SLC25A53: variants seen among roughly 807,000 people sequenced by gnomAD.
SLC25A53 encodes mitochondrial carrier triple repeat protein 6.
In SLC25A53, 5 loss-of-function variants were observed where a neutral mutation model predicts 15.0. The ratio of observed to expected loss-of-function variants is 0.33; its 90% CI spans 0.17 to 0.70. The LOEUF is 0.70. SLC25A53 is among the 30% of genes least tolerant of loss of function. The pLI, the probability that SLC25A53 is intolerant of heterozygous loss-of-function variation, is 0.67. For synonymous variants in SLC25A53, 95 were observed against 100.0 expected (o/e 0.95, Z 0.30); for missense variants, 216 against 241.6 (o/e 0.89, Z 0.70).
At chrX:104,119,029 ATGCTTTTGG>A (rs1397366081) in intron 1 of SLC25A53, among the ~76,000 whole-genome samples, 1 of 111,764 alleles carries the variant, frequency 8.9e-6, no homozygotes, top group Non-Finnish European at 1.9e-5. Flanking sequence ...TTTCCAGTCT[ATGCTTTTGG>A]TGCAAATGGT....
At chrX:104,113,189 T>C (rs1404060597) in intron 1 of SLC25A53, 1 of 111,337 alleles carries the variant, frequency 9.0e-6, no homozygotes, top group African/African-American at 3.3e-5. Flanking sequence ...TCTTTCTCCC[T>C]GGCAGGTCAT....
chrX:104,131,167 C>G (rs1556365416), intron 1 of SLC25A53: 1 of 111,971 alleles, frequency 8.9e-6, no homozygotes. Context: ...TCCATGTTGT[C>G]TCTTGACCTC....
chrX:104,136,390 T>C (rs782249669), intron 1 of SLC25A53, among the ~76,000 whole-genome samples: 7 of 111,149 alleles, frequency 6.3e-5, no homozygotes, highest in Non-Finnish European at 1.1e-4. Context: ...GTCCTCTGTC[T>C]GGTAATGACA....
intron 1 of SLC25A53, chrX:104,113,880 C>T: frequency 2.2e-6 from 1 of 445,107 alleles, no homozygotes. Flanking sequence ...TGTTAAGGCA[C>T]TGGGCAGATA....
At chrX:104,113,077 G>A (rs1417381300) in intron 1 of SLC25A53, 2 of 109,756 alleles carry the variant, frequency 1.8e-5, no homozygotes, top group African/African-American at 6.6e-5. Context: ...AGGTGGCAAG[G>A]GGCGGGAGGA....
intron 1 of SLC25A53, among the ~76,000 whole-genome samples, 164 bp from the exon 2 acceptor site, chrX:104,105,452 A>G (rs1383250908): frequency 2.7e-5 from 3 of 112,744 alleles, no homozygotes; most frequent in African/African-American, 9.7e-5. Flanking sequence ...GAAATTAAGA[A>G]TTAATTAACT....
intron 1 of SLC25A53, among the ~76,000 whole-genome samples, chrX:104,148,943 A>C (rs930075813): frequency 2.7e-5 from 3 of 112,830 alleles, no homozygotes; most frequent in Non-Finnish European, 5.6e-5. Flanking sequence ...GTTTTAATCA[A>C]GATGTTCAGT....
intron 1 of SLC25A53, among the ~76,000 whole-genome samples, chrX:104,151,585 A>G (rs2075484837): frequency 9.0e-6 from 1 of 111,437 alleles, no homozygotes; most frequent in Non-Finnish European, 1.9e-5. Flanking sequence ...TCAGAGACAC[A>G]TATTGATTTA....
At position 104,114,556 on chromosome X, in the gene SLC25A53, G is replaced by A; in HGVS notation, c.-31-9268C>T. On this transcript the variant is annotated intron_variant, in intron 1 of 1. Transcript: ENST00000594199. ...ACAAGGGGAGAAAGCCTCCCTTTATGTGATCCGTTTAGAGGTGCAGCTCCA... is the reference window on the plus strand; with the variant it reads ...ACAAGGGGAGAAAGCCTCCCTTTATATGATCCGTTTAGAGGTGCAGCTCCA... 3 of 1,211,842 alleles carry A rather than the reference G, an allele frequency of 2.5e-6. No homozygotes were observed. The East Asian group carries it at 8.9e-5, about 36-fold the overall frequency.
At chrX:104,114,380 T>G (rs1556360426) in intron 1 of SLC25A53, 1 of 1,211,650 alleles carries the variant, frequency 8.3e-7, no homozygotes, top group South Asian at 1.8e-5. Flanking sequence ...ATGAAAACAC[T>G]TAGGGGCCCT....
In SLC25A53 at chrX:104,104,800, C is replaced by T. The variant is rs782045916; in HGVS notation, c.458G>A (p.Ser153Asn). The T allele has an allele frequency of 1.9e-5, 23 of 1,209,936 alleles. No individual in the cohort carries two copies. In the East Asian group the frequency reaches 6.8e-4, roughly 36 times the overall value. ...QDGRKQARFP[S>N]TFSILKEFNS... ...GAATTCCTTGAGAATGCTGAAGGTG[C>T]TGGGGAAGCGAGCTTGCTTGCGACC... The change falls in exon 2 of 2, where the codon AGC (serine) becomes AAC (asparagine). Residue 153 changes from serine (S) to asparagine (N), a missense_variant. Physicochemically the swap from Ser to Asn is conservative, Grantham distance 46. Coordinates refer to ENST00000594199, the MANE Select transcript of SLC25A53 (RefSeq NM_001012755.5).
At chrX:104,142,168 C>A (rs2075452485) in intron 1 of SLC25A53, among the ~76,000 whole-genome samples, 2 of 111,034 alleles carry the variant, frequency 1.8e-5, no homozygotes, top group Middle Eastern at 4.6e-3. Context: ...TTGTTTGAGC[C>A]TGGGAGTTGA....
At chrX:104,145,874 A>G (rs146160738) in intron 1 of SLC25A53, among the ~76,000 whole-genome samples, 1,888 of 112,140 alleles carry the variant, frequency 0.017, 19 homozygotes, top group Non-Finnish European at 0.025. Flanking sequence ...AAATTCTACC[A>G]GAGGTACAAA....
At chrX:104,155,073 A>G (rs2075496326) in intron 1 of SLC25A53, among the ~76,000 whole-genome samples, 1 of 111,857 alleles carries the variant, frequency 8.9e-6, no homozygotes, top group African/African-American at 3.3e-5. Flanking sequence ...GCAGTGTCAA[A>G]TAAGTCCATT....
intron 1 of SLC25A53, among the ~76,000 whole-genome samples, chrX:104,111,347 T>C (rs1264811714): frequency 8.9e-6 from 1 of 111,881 alleles, no homozygotes; most frequent in Non-Finnish European, 1.9e-5. Context: ...AGTTCTGGAT[T>C]CAGAGACTCA....
rs1326474761 is a variant in SLC25A53, at chrX:104,099,481, T to C, written c.*4853A>G. On this transcript the variant is annotated 3_prime_UTR_variant, in exon 2 of 2. Transcript: ENST00000594199. Reference sequence around the variant, plus strand: ...CCTCAAAGTTATCATGAATAAATCATGGTATATTTATACAATGGTAAACTG... The same window carrying C: ...CCTCAAAGTTATCATGAATAAATCACGGTATATTTATACAATGGTAAACTG... The C allele has an allele frequency of 1.8e-5, 2 of 112,108 alleles. No individual in the cohort carries two copies. Among genetic ancestry groups the C allele is most frequent in the Non-Finnish European group, 3.8e-5 (2 of 53,271 alleles). The allele number at this position is 112,108 out of a possible 1,213,427, so 9.2% of individuals were successfully genotyped here. A position where few individuals can be genotyped will look rare whatever the true frequency, so the allele number is the denominator to read the frequency against.
intron 1 of SLC25A53, among the ~76,000 whole-genome samples, chrX:104,116,327 G>T (rs1268674975): frequency 9.0e-6 from 1 of 111,205 alleles, no homozygotes; most frequent in Non-Finnish European, 1.9e-5. Flanking sequence ...CAAGGAGCAG[G>T]GGGGAATGAT....
At chrX:104,127,590 C>T (rs2075414327) in intron 1 of SLC25A53, among the ~76,000 whole-genome samples, 1 of 111,919 alleles carries the variant, frequency 8.9e-6, no homozygotes, top group Admixed American at 9.5e-5. Flanking sequence ...TTAGAGGAAG[C>T]GTGGTTTCAG....
chrX:104,123,031 C>T (rs1256340969), intron 1 of SLC25A53, among the ~76,000 whole-genome samples: 1 of 112,064 alleles, frequency 8.9e-6, no homozygotes, highest in African/African-American at 3.3e-5. Context: ...AATGAATGAA[C>T]ACTTGAGAAG....
Sources: allele counts gnomAD v4.1 joint callset (sites outside exome capture counted in the v4.1 genomes callset), GRCh38; gene constraint gnomAD v4.1.1; transcripts MANE v1.5; gene names NCBI Gene and HGNC (gene_info 2026-07-23, HGNC 2026-07-21).